Variants in KCNJ3 observed in about 807,000 individuals in gnomAD.
The protein encoded by KCNJ3 is G protein-activated inward rectifier potassium channel 1.
Under a neutral mutation model 39.2 loss-of-function variants are expected in KCNJ3, and 4 were observed. The ratio of observed to expected loss-of-function variants is 0.10; its 90% CI spans 0.05 to 0.23. The LOEUF (loss-of-function observed/expected upper bound fraction) is 0.23, where lower values mean the gene tolerates loss of function less well. Among genes scored for constraint, KCNJ3 ranks in the 10% least tolerant of loss-of-function variants. KCNJ3 has a pLI of 1.00. For synonymous variants in KCNJ3, 230 were observed against 237.4 expected, an observed-to-expected ratio of 0.97 and a Z score of 0.29; for missense variants, 276 against 634.9, an observed-to-expected ratio of 0.43 and a Z score of 6.08.
chr2:154,726,824 C>CAT (rs1558857532), intron 2 of KCNJ3, among the ~76,000 whole-genome samples: 1 of 150,558 alleles, frequency 6.6e-6, no homozygotes, highest in East Asian at 2.0e-4. Context: ...CACACACACA[C>CAT]ACACACACAC....
At chr2:154,845,449 T>C (rs927505794) in intron 2 of KCNJ3, among the ~76,000 whole-genome samples, 4 of 152,168 alleles carry the variant, frequency 2.6e-5, no homozygotes, top group African/African-American at 9.7e-5. Flanking sequence ...ACCAGTCTTA[T>C]GGAGTCTGTT....
intron 2 of KCNJ3, among the ~76,000 whole-genome samples, chr2:154,846,602 T>C (rs1223102373): frequency 1.3e-5 from 2 of 152,160 alleles, no homozygotes. Flanking sequence ...CTCAAGTTTA[T>C]ATTCAAAGCC....
At chr2:154,852,837 C>T (rs577402318) in intron 2 of KCNJ3, among the ~76,000 whole-genome samples, 2 of 152,084 alleles carry the variant, frequency 1.3e-5, no homozygotes, top group South Asian at 4.1e-4. Flanking sequence ...GTTTCTGGGG[C>T]TATTCCTCAC....
chr2:154,837,843 A>G (rs1003993980), intron 2 of KCNJ3, among the ~76,000 whole-genome samples: 2 of 152,204 alleles, frequency 1.3e-5, no homozygotes, highest in African/African-American at 4.8e-5. Flanking sequence ...CACATTGCGG[A>G]TATAGACTAT....
intron 1 of KCNJ3, among the ~76,000 whole-genome samples, chr2:154,704,412 A>G (rs1684963062): frequency 6.6e-6 from 1 of 152,188 alleles, no homozygotes; most frequent in African/African-American, 2.4e-5. Flanking sequence ...AAGGAGTTAT[A>G]AAGCCGCTCT....
intron 2 of KCNJ3, among the ~76,000 whole-genome samples, chr2:154,732,575 G>A (rs963239494): frequency 4.6e-5 from 7 of 151,946 alleles, no homozygotes; most frequent in Non-Finnish European, 1.0e-4. Flanking sequence ...TTATCATCAG[G>A]TTCTGCTGAT....
chr2:154,855,184 A>G lies in KCNJ3; in HGVS notation c.1377A>G (p.Leu459=), dbSNP rs1687816140. The G allele has an allele frequency of 5.6e-6, 9 of 1,613,980 alleles. No homozygotes were observed. The East Asian group carries it at 1.8e-4, about 32-fold the overall frequency. ...EKLVSKTTKM[L]SDPMSQSVAD... The stretch of plus-strand genomic sequence containing the variant: ...TGGTATCTAAAACCACCAAGATGTT[A>G]TCTGATCCCATGAGCCAGTCTGTGG... Residue 459 remains leucine (L), a synonymous_variant, in exon 3 of 3, where the codon TTA becomes TTG. Transcript: ENST00000295101.
intron 2 of KCNJ3, among the ~76,000 whole-genome samples, chr2:154,733,142 C>A (rs1685471930): frequency 6.6e-6 from 1 of 152,066 alleles, no homozygotes; most frequent in Admixed American, 6.6e-5. Context: ...GAAACAGATT[C>A]TATCACTGGC....
chr2:154,750,080 C>T (rs958541567), intron 2 of KCNJ3, among the ~76,000 whole-genome samples: 1 of 151,906 alleles, frequency 6.6e-6, no homozygotes, highest in Non-Finnish European at 1.5e-5. Context: ...GCAAGTATGT[C>T]CTCTTATTAA....
intron 2 of KCNJ3, among the ~76,000 whole-genome samples, chr2:154,769,973 C>A (rs1344241643): frequency 2.0e-5 from 3 of 152,066 alleles, no homozygotes; most frequent in Non-Finnish European, 4.4e-5. Flanking sequence ...GTAAAAAATT[C>A]AAGCCTTTTA....
At chr2:154,756,349 G>A (rs1685935989) in intron 2 of KCNJ3, among the ~76,000 whole-genome samples, 1 of 152,004 alleles carries the variant, frequency 6.6e-6, no homozygotes, top group African/African-American at 2.4e-5. Context: ...ATGTACTTAT[G>A]CTCTGATATC....
chr2:154,834,854 A>G (rs1296931637), intron 2 of KCNJ3, among the ~76,000 whole-genome samples: 1 of 148,130 alleles, frequency 6.8e-6, no homozygotes, highest in Admixed American at 6.9e-5. Flanking sequence ...CTACATCATA[A>G]TAACATACTT....
intron 2 of KCNJ3, among the ~76,000 whole-genome samples, chr2:154,727,952 T>C (rs1558857904): frequency 6.6e-6 from 1 of 150,658 alleles, no homozygotes; most frequent in African/African-American, 2.4e-5. Flanking sequence ...TTAAAGTATA[T>C]GGATAATATA....
chr2:154,722,491 C>T (rs1685279427), intron 2 of KCNJ3, among the ~76,000 whole-genome samples: 1 of 152,260 alleles, frequency 6.6e-6, no homozygotes, highest in South Asian at 2.1e-4. Flanking sequence ...AAGAGAAGAA[C>T]TTGCTGTTTA....
At chr2:154,714,717 T>C (rs902640019) in intron 2 of KCNJ3, among the ~76,000 whole-genome samples, 1 of 152,208 alleles carries the variant, frequency 6.6e-6, no homozygotes, top group African/African-American at 2.4e-5. Flanking sequence ...CTGCCCCCTG[T>C]TTTTTCTTTT....
intron 2 of KCNJ3, among the ~76,000 whole-genome samples, chr2:154,841,087 T>G (rs1055741424): frequency 6.6e-6 from 1 of 152,226 alleles, no homozygotes; most frequent in African/African-American, 2.4e-5. Flanking sequence ...AAATAGCTCT[T>G]ATTATTTCAA....
At chr2:154,709,843 A>C (rs1216126957) in intron 2 of KCNJ3, 24 bp downstream of exon 2, 1 of 1,611,794 alleles carries the variant, frequency 6.2e-7, no homozygotes, top group Non-Finnish European at 8.5e-7. Flanking sequence ...GATATGCCAT[A>C]AAGTTTCTTT....
At chr2:154,735,249 G>A (rs1220395933) in intron 2 of KCNJ3, among the ~76,000 whole-genome samples, 1 of 150,446 alleles carries the variant, frequency 6.6e-6, no homozygotes, top group Non-Finnish European at 1.5e-5. Flanking sequence ...ACCATGCCTG[G>A]CTACTTTTTT....
chr2:154,806,490 C>T (rs934532448), intron 2 of KCNJ3, among the ~76,000 whole-genome samples: 5 of 152,192 alleles, frequency 3.3e-5, no homozygotes, highest in Non-Finnish European at 5.9e-5. Flanking sequence ...GGTTGTCATA[C>T]TCTGGTAGAC....
Sources: allele counts gnomAD v4.1 joint callset (sites outside exome capture counted in the v4.1 genomes callset), GRCh38; gene constraint gnomAD v4.1.1; transcripts MANE v1.5; gene names NCBI Gene and HGNC (gene_info 2026-07-23, HGNC 2026-07-21).